The following IGSF21 variants were observed in gnomAD, a reference collection of about 807,000 sequenced individuals.
IGSF21 encodes immunoglobin superfamily member 21.
Under a neutral mutation model 46.8 loss-of-function variants are expected in IGSF21, and 28 were observed. That is an observed-to-expected ratio of 0.60 (90% confidence interval 0.44 to 0.82). The LOEUF (loss-of-function observed/expected upper bound fraction) is 0.82. IGSF21 is among the 40% of genes least tolerant of loss of function. The pLI, the probability that IGSF21 is intolerant of heterozygous loss-of-function variation, is 0.00. For synonymous variants in IGSF21, 284 were observed against 273.6 expected (o/e 1.04, Z -0.38); for missense variants, 624 against 665.5 (o/e 0.94, Z 0.69).
At chr1:18,233,098 A>G (rs774155781) in intron 2 of IGSF21, among the ~76,000 whole-genome samples, 1 of 152,304 alleles carries the variant, frequency 6.6e-6, no homozygotes. Context: ...AGTTTTTATC[A>G]TCCCTCCTTT....
chr1:18,262,604 C>T (rs1275804938), intron 2 of IGSF21, among the ~76,000 whole-genome samples: 9 of 152,206 alleles, frequency 5.9e-5, no homozygotes, highest in East Asian at 1.9e-4. Flanking sequence ...TCTGTAGCAG[C>T]GCTGTTCCAG....
intron 6 of IGSF21, among the ~76,000 whole-genome samples, chr1:18,368,613 G>A (rs1040529246): frequency 9.2e-5 from 14 of 151,652 alleles, no homozygotes; most frequent in Admixed American, 7.2e-4. Context: ...AGCCTGCTCC[G>A]ACCCCTCTCT....
At position 18,365,320 on chromosome 1, in the gene IGSF21, G is replaced by T. The variant is rs1180526990; in HGVS notation, c.638G>T (p.Arg213Leu). 3 of 1,613,978 alleles carry T rather than the reference G, an allele frequency of 1.9e-6. No individual in the cohort carries two copies. The South Asian group carries it at 3.3e-5, about 18-fold the overall frequency. Residue 213 changes from arginine to leucine, a missense_variant, in exon 6 of 10, where the codon CGC becomes CTC. Arg to Leu is a moderately radical substitution (Grantham distance 102). Transcript: ENST00000251296. The surrounding 1 kb of genome is among the most constrained non-coding windows in gnomAD (Gnocchi z 4.8). ...SGPLQDSRPF[R>L]SLLHRDLDDT... ...CCCCTACAGGACAGCAGGCCCTTCCGCAGCCTTCTGCACCGTGACCTGGAT... is the reference window on the plus strand; with the variant it reads ...CCCCTACAGGACAGCAGGCCCTTCCTCAGCCTTCTGCACCGTGACCTGGAT...
intron 1 of IGSF21, among the ~76,000 whole-genome samples, chr1:18,210,859 CTTTAT>C (rs1230081196): frequency 6.6e-6 from 1 of 152,058 alleles, no homozygotes; most frequent in Non-Finnish European, 1.5e-5. Flanking sequence ...TGAACCATCT[CTTTAT>C]TTTATTTTAT....
chr1:18,339,426 C>G (rs373531849), intron 4 of IGSF21, among the ~76,000 whole-genome samples: 2 of 152,192 alleles, frequency 1.3e-5, no homozygotes, highest in Admixed American at 6.5e-5. Context: ...CGAGCCCTAA[C>G]TAGGTGGCTC....
intron 2 of IGSF21, among the ~76,000 whole-genome samples, chr1:18,257,872 C>T (rs535350473): frequency 1.1e-3 from 166 of 152,322 alleles, no homozygotes; most frequent in Non-Finnish European, 1.8e-3. Flanking sequence ...CTCCCTCCCC[C>T]TCATGAACCC....
chr1:18,109,858 G>C lies in IGSF21; in HGVS notation c.70+1660G>C, dbSNP rs1286522572. On this transcript the variant is annotated intron_variant, in intron 1 of 9. Coordinates refer to ENST00000251296, the MANE Select transcript of IGSF21 (RefSeq NM_032880.5). The surrounding 1 kb of genome is among the most constrained non-coding windows in gnomAD (Gnocchi z 4.8). ...CCTCACCTGGACATTGCAGGGGGCG[G>C]GGGTTGGAGGCTGGGGACCTAAGGT... is the stretch of plus-strand genomic sequence containing the variant. 1 of 152,494 alleles carries C rather than the reference G, an allele frequency of 6.6e-6. No individual in the cohort carries two copies. The highest frequency in any genetic ancestry group is 1.5e-5 in the Non-Finnish European group (1 of 68,324). The allele number at this position is 152,494 out of a possible 1,614,324, so 9.4% of individuals were successfully genotyped here.
intron 4 of IGSF21, among the ~76,000 whole-genome samples, chr1:18,348,602 A>G (rs756529668): frequency 5.9e-5 from 9 of 152,172 alleles, no homozygotes; most frequent in Non-Finnish European, 1.3e-4. Flanking sequence ...CCTCGGGCCC[A>G]GTGATTTAAG....
intron 1 of IGSF21, among the ~76,000 whole-genome samples, chr1:18,140,160 C>T (rs534117554): frequency 2.6e-5 from 4 of 152,258 alleles, no homozygotes; most frequent in South Asian, 2.1e-4. Flanking sequence ...GTTGCCCAAG[C>T]TGGTCTCAAA....
chr1:18,108,272 G>T, intron 1 of IGSF21, 74 bp downstream of exon 1: 1 of 1,282,620 alleles, frequency 7.8e-7, no homozygotes, highest in Non-Finnish European at 9.9e-7. Flanking sequence ...GAGGGCGCTG[G>T]CCGGGGTCGC....
intron 3 of IGSF21, among the ~76,000 whole-genome samples, chr1:18,323,408 G>T (rs537469925): frequency 1.3e-5 from 2 of 152,164 alleles, no homozygotes; most frequent in African/African-American, 2.4e-5. Flanking sequence ...AGCCCCACCC[G>T]TCCAGCACCA....
chr1:18,329,150 G>A (rs189098209), intron 3 of IGSF21, among the ~76,000 whole-genome samples: 5 of 150,230 alleles, frequency 3.3e-5, no homozygotes, highest in African/African-American at 1.0e-4. Flanking sequence ...TGGGGGCAGT[G>A]GGGGAGAGCA....
chr1:18,219,349 G>T (rs2084484187), intron 1 of IGSF21, among the ~76,000 whole-genome samples: 1 of 152,168 alleles, frequency 6.6e-6, no homozygotes, highest in African/African-American at 2.4e-5. Flanking sequence ...CTGAGGTGAG[G>T]ATATTCTTAG....
intron 1 of IGSF21, among the ~76,000 whole-genome samples, chr1:18,178,653 C>T (rs1475379109): frequency 6.6e-6 from 1 of 152,226 alleles, no homozygotes; most frequent in African/African-American, 2.4e-5. Context: ...GTCCCTCCCT[C>T]TTTCTCCCAG....
At chr1:18,317,318 C>T (rs1413526145) in intron 3 of IGSF21, among the ~76,000 whole-genome samples, 2 of 152,182 alleles carry the variant, frequency 1.3e-5, no homozygotes, top group Non-Finnish European at 1.5e-5. Context: ...AGGCAGGCAT[C>T]ACAATACTGA....
Position 18,141,454 on chromosome 1 carries a change from C to A in IGSF21, c.70+33256C>A, listed in dbSNP as rs114101881. On this transcript the variant is annotated intron_variant, in intron 1 of 9. Coordinates refer to ENST00000251296, the MANE Select transcript of IGSF21 (RefSeq NM_032880.5). ...GAGCAGGGTTGGCTGTCATCAAGTT[C>A]TCAGCAGGCAGAGAACTTGCTGGAA... 3.8e-3 allele frequency among the ~76,000 whole-genome samples: 584 copies of A among 152,226 alleles called. 4 individuals carry two copies. Among genetic ancestry groups the A allele is most frequent in the African/African-American group, 0.013 (557 of 41,542 alleles).
At chr1:18,254,396 C>A (rs1569641646) in intron 2 of IGSF21, among the ~76,000 whole-genome samples, 1 of 152,296 alleles carries the variant, frequency 6.6e-6, no homozygotes, top group African/African-American at 2.4e-5. Flanking sequence ...CTAACCTTAT[C>A]TAGCTCCATC....
chr1:18,309,595 T>C (rs2124583562), intron 3 of IGSF21, among the ~76,000 whole-genome samples: 1 of 152,314 alleles, frequency 6.6e-6, no homozygotes, highest in South Asian at 2.1e-4. Flanking sequence ...TGGGCCTCTC[T>C]GAGCCCCTGC....
intron 4 of IGSF21, among the ~76,000 whole-genome samples, chr1:18,360,249 C>T (rs940480446): frequency 9.2e-5 from 14 of 152,132 alleles, no homozygotes; most frequent in African/African-American, 2.2e-4. Flanking sequence ...AATTCCTATC[C>T]GGCTTACCAT....
Sources: gnomAD v4.1 joint callset for allele counts (sites outside exome capture counted in the v4.1 genomes callset) on GRCh38, gnomAD v4.1.1 for gene constraint, Gnocchi (gnomAD v3.1) non-coding constraint, MANE v1.5 for transcripts, NCBI Gene and HGNC (gene_info 2026-07-23, HGNC 2026-07-21) for gene names.